The following NTM variants were observed in gnomAD, a reference collection of about 807,000 sequenced individuals.
NTM encodes neurotrimin.
A neutral mutation model predicts 42.1 loss-of-function variants in NTM; 13 were observed. The ratio of observed to expected loss-of-function variants is 0.31; its 90% CI spans 0.20 to 0.49. NTM has a LOEUF of 0.49. Among genes scored for constraint, NTM ranks in the 20% least tolerant of loss-of-function variants. The probability of loss-of-function intolerance (pLI) is 0.99; values close to 1 mark genes in which losing one functional copy is unlikely to be tolerated. For synonymous variants in NTM, 187 were observed against 179.2 expected (o/e 1.04, Z -0.35); for missense variants, 373 against 452.8 (o/e 0.82, Z 1.60).
In NTM at chr11:131,899,006, A is replaced by G. The variant is rs148611580; in HGVS notation, c.83-12558A>G. 2.7e-4 allele frequency among the ~76,000 whole-genome samples: 41 copies of G among 152,334 alleles called. No individual in the cohort carries two copies. In the East Asian group the frequency reaches 7.9e-3, roughly 29 times the overall value. On this transcript the variant is annotated intron_variant, in intron 1 of 8. Coordinates refer to ENST00000683400, the MANE Select transcript of NTM (RefSeq NM_001352005.2). ...AACAAATTGCTTCCCATCACGCTCT[A>G]AAATGTAGGCTGACACGGGGATGCA...
At chr11:131,693,222 G>T (rs1489747152) in intron 1 of NTM, among the ~76,000 whole-genome samples, 1 of 152,112 alleles carries the variant, frequency 6.6e-6, no homozygotes, top group East Asian at 1.9e-4. Flanking sequence ...CTGCGAGTGG[G>T]GCAGAGGCTG....
At chr11:132,165,571 C>T (rs959563532) in intron 3 of NTM, among the ~76,000 whole-genome samples, 9 of 152,158 alleles carry the variant, frequency 5.9e-5, no homozygotes, top group Non-Finnish European at 1.3e-4. Flanking sequence ...ATTTAAATCT[C>T]CCAACAATCT....
intron 1 of NTM, among the ~76,000 whole-genome samples, chr11:131,673,716 G>A (rs959031480): frequency 6.6e-6 from 1 of 152,178 alleles, no homozygotes; most frequent in Non-Finnish European, 1.5e-5. Flanking sequence ...GGGCCCAGGT[G>A]ACACCTGAGA....
chr11:131,507,113 A>C (rs405261), intron 1 of NTM, among the ~76,000 whole-genome samples: 66,807 of 152,050 alleles, frequency 0.44, 15,344 homozygotes, highest in African/African-American at 0.57. Flanking sequence ...ATTGAAGGGC[A>C]AGATTATTTT....
At chr11:132,048,678 G>A (rs2078373497) in intron 2 of NTM, among the ~76,000 whole-genome samples, 4 of 152,248 alleles carry the variant, frequency 2.6e-5, no homozygotes, top group Middle Eastern at 3.4e-3. Flanking sequence ...CCCAGCACAG[G>A]TCAGCCTGGT....
chr11:132,129,786 A>G (rs73593360), intron 2 of NTM, among the ~76,000 whole-genome samples: 9,247 of 152,326 alleles, frequency 0.061, 392 homozygotes, highest in African/African-American at 0.12. Flanking sequence ...CATACAGTAC[A>G]GGAGGTACCA....
At chr11:131,803,347 C>T (rs891277446) in intron 1 of NTM, among the ~76,000 whole-genome samples, 1 of 151,626 alleles carries the variant, frequency 6.6e-6, no homozygotes, top group Non-Finnish European at 1.5e-5. Flanking sequence ...TGTCGCCAGG[C>T]TGGAGTGCTG....
intron 1 of NTM, among the ~76,000 whole-genome samples, chr11:131,474,988 G>A (rs922505318): frequency 6.6e-6 from 1 of 152,150 alleles, no homozygotes; most frequent in African/African-American, 2.4e-5. Flanking sequence ...GCTCTTTAAG[G>A]AATAACAATG....
intron 1 of NTM, among the ~76,000 whole-genome samples, chr11:131,752,931 A>G (rs1240816797): frequency 6.6e-6 from 1 of 152,200 alleles, no homozygotes; most frequent in Admixed American, 6.5e-5. Flanking sequence ...AGCAAAAGAA[A>G]CTACCATCAG....
chr11:132,051,099 A>T (rs1174761980), intron 2 of NTM, among the ~76,000 whole-genome samples: 3 of 152,222 alleles, frequency 2.0e-5, no homozygotes, highest in African/African-American at 7.2e-5. Context: ...TGTCAGTTTG[A>T]ATTGTAACCC....
chr11:131,624,697 T>G (rs540586283), intron 1 of NTM, among the ~76,000 whole-genome samples: 1 of 152,342 alleles, frequency 6.6e-6, no homozygotes, highest in Admixed American at 6.5e-5. Context: ...TTGTGCTTTG[T>G]GAAGTCAGAT....
intron 1 of NTM, among the ~76,000 whole-genome samples, chr11:131,488,156 T>G (rs1292400801): frequency 2.0e-5 from 3 of 152,198 alleles, no homozygotes; most frequent in Non-Finnish European, 4.4e-5. Context: ...CCATTATGTA[T>G]TGCTTCAAAA....
At chr11:132,096,999 A>G (rs891682596) in intron 2 of NTM, among the ~76,000 whole-genome samples, 4 of 152,196 alleles carry the variant, frequency 2.6e-5, no homozygotes. Context: ...TTCCCATGAT[A>G]TGACTATGAC....
chr11:132,245,754 C>T (rs1183878199), intron 4 of NTM, among the ~76,000 whole-genome samples: 1 of 152,132 alleles, frequency 6.6e-6, no homozygotes, highest in Non-Finnish European at 1.5e-5. Context: ...CCTCATGCCA[C>T]TACTCGGCTC....
intron 1 of NTM, among the ~76,000 whole-genome samples, chr11:131,597,079 G>A (rs2059875267): frequency 6.6e-6 from 1 of 152,088 alleles, no homozygotes; most frequent in Non-Finnish European, 1.5e-5. Context: ...GATTAAGGGA[G>A]GGTCTGCCTT....
chr11:131,742,293 G>A (rs1338929338), intron 1 of NTM, among the ~76,000 whole-genome samples: 1 of 152,082 alleles, frequency 6.6e-6, no homozygotes, highest in Non-Finnish European at 1.5e-5. Context: ...TTTTGTCATG[G>A]CCTTTGGAAA....
chr11:131,749,454 A>G (rs2082211313), intron 1 of NTM, among the ~76,000 whole-genome samples: 3 of 152,236 alleles, frequency 2.0e-5, no homozygotes, highest in South Asian at 4.1e-4. Context: ...TTTACAGGCT[A>G]TATGCTACAG....
intron 1 of NTM, among the ~76,000 whole-genome samples, chr11:131,389,464 G>A (rs1243911585): frequency 6.6e-6 from 1 of 152,192 alleles, no homozygotes; most frequent in Non-Finnish European, 1.5e-5. Flanking sequence ...CAGGTGTGCC[G>A]TGAGCCGCCC....
intron 2 of NTM, among the ~76,000 whole-genome samples, chr11:132,057,287 TTA>T (rs1195607355): frequency 6.6e-6 from 1 of 152,178 alleles, no homozygotes; most frequent in Non-Finnish European, 1.5e-5. Context: ...TTTTTTTTTT[TTA>T]GGTTTCTAGA....
Sources: gnomAD v4.1 joint callset for allele counts (sites outside exome capture counted in the v4.1 genomes callset) on GRCh38, gnomAD v4.1.1 for gene constraint, MANE v1.5 for transcripts, NCBI Gene and HGNC (gene_info 2026-07-23, HGNC 2026-07-21) for gene names.